CLPB: variants seen among roughly 807,000 people sequenced by gnomAD.
CLPB encodes the protein mitochondrial disaggregase.
In CLPB, 40 loss-of-function variants were observed where a neutral mutation model predicts 78.4. That is an observed-to-expected ratio of 0.51 (90% CI 0.40 to 0.66). The LOEUF (loss-of-function observed/expected upper bound fraction) is 0.66. CLPB is among the 30% of genes least tolerant of loss of function. CLPB has a pLI of 0.00. For synonymous variants in CLPB, 333 were observed against 348.0 expected (o/e 0.96, Z 0.48); for missense variants, 780 against 886.9 (o/e 0.88, Z 1.53).
chr11:72,396,254 G>A (rs184052269), intron 3 of CLPB, among the ~76,000 whole-genome samples: 16 of 152,242 alleles, frequency 1.1e-4, no homozygotes, highest in Admixed American at 3.9e-4. Flanking sequence ...CAGTCCTTCC[G>A]ACACTGATGA....
chr11:72,319,373 G>T (rs1297530400), intron 6 of CLPB, among the ~76,000 whole-genome samples: 1 of 152,246 alleles, frequency 6.6e-6, no homozygotes, highest in Non-Finnish European at 1.5e-5. Context: ...GTTACTAACT[G>T]AATAAATGTG....
At chr11:72,386,435 C>T (rs10751202) in intron 3 of CLPB, among the ~76,000 whole-genome samples, 152,349 of 152,350 alleles carry the variant, frequency 1, 76,174 homozygotes, top group Non-Finnish European at 1. Context: ...CAAACTATGG[C>T]TTGTTTTCTC....
At chr11:72,305,129 A>G (rs1485135204) in intron 9 of CLPB, among the ~76,000 whole-genome samples, 2 of 152,212 alleles carry the variant, frequency 1.3e-5, no homozygotes, top group Non-Finnish European at 2.9e-5. Context: ...CCAATGTGAA[A>G]TGGGGACACA....
intron 9 of CLPB, 51 bp from the exon 10 acceptor site, chr11:72,302,399 GA>G: frequency 6.4e-7 from 1 of 1,557,660 alleles, no homozygotes; most frequent in Non-Finnish European, 8.9e-7. Context: ...GGAAAGTGAA[GA>G]GAAGGGTTAG....
At chr11:72,379,808 T>C (rs542003953) in intron 4 of CLPB, among the ~76,000 whole-genome samples, 41 of 152,252 alleles carry the variant, frequency 2.7e-4, no homozygotes, top group African/African-American at 9.6e-4. Flanking sequence ...TTCAGAGTAA[T>C]AGTATTTAGG....
At chr11:72,347,863 T>C (rs1950544384) in intron 5 of CLPB, among the ~76,000 whole-genome samples, 1 of 152,074 alleles carries the variant, frequency 6.6e-6, no homozygotes, top group African/African-American at 2.4e-5. Context: ...AAGAGGAAGG[T>C]AGAAGAGCCA....
At chr11:72,309,613 G>C (rs564238049) in intron 7 of CLPB, among the ~76,000 whole-genome samples, 2 of 152,298 alleles carry the variant, frequency 1.3e-5, no homozygotes, top group East Asian at 3.9e-4. Context: ...ACTTGCCCAA[G>C]TCACACAACT....
intron 4 of CLPB, 27 bp downstream of exon 4, chr11:72,380,254 C>G: frequency 1.3e-6 from 2 of 1,554,396 alleles, no homozygotes; most frequent in South Asian, 2.2e-5. Flanking sequence ...GGAGAGCTCT[C>G]AGAGAAGCAG....
intron 3 of CLPB, among the ~76,000 whole-genome samples, chr11:72,397,762 T>C (rs956573288): frequency 6.6e-6 from 1 of 152,230 alleles, no homozygotes; most frequent in Non-Finnish European, 1.5e-5. Flanking sequence ...ATAAGATACA[T>C]GTTTTTACAG....
intron 2 of CLPB, chr11:72,411,599 C>G (rs754322128): frequency 2.6e-5 from 4 of 152,128 alleles, no homozygotes; most frequent in African/African-American, 9.7e-5. Flanking sequence ...AGACTTCCAA[C>G]GAAAAGACAA....
At chr11:72,372,823 C>A (rs141751451) in intron 4 of CLPB, 126 of 1,052,822 alleles carry the variant, frequency 1.2e-4, no homozygotes, top group African/African-American at 5.7e-4. Context: ...ACAGTGGGTG[C>A]TGGGTAGTTA....
intron 5 of CLPB, chr11:72,352,801 G>C (rs902511108): frequency 3.3e-5 from 5 of 152,268 alleles, no homozygotes; most frequent in African/African-American, 7.2e-5. Context: ...GAGATGATCA[G>C]TAAGAATCTG....
intron 5 of CLPB, among the ~76,000 whole-genome samples, chr11:72,346,307 A>G (rs1950512335): frequency 6.6e-6 from 1 of 152,122 alleles, no homozygotes; most frequent in Non-Finnish European, 1.5e-5. Flanking sequence ...AAAAAAGTAA[A>G]CAATATAGAA....
intron 4 of CLPB, among the ~76,000 whole-genome samples, chr11:72,368,140 G>A (rs182613091): frequency 1.3e-5 from 2 of 152,200 alleles, no homozygotes; most frequent in African/African-American, 4.8e-5. Flanking sequence ...AGGCTCATTC[G>A]AGGCAGCCCA....
rs994249101 is a variant in CLPB at position 72,288,663 on chromosome 11, C to T, written c.*4704G>A. Reference sequence around the variant, plus strand: ...GCACTTGCTGCAGGTCCCATCCACTCACCCAAGTATAATAATAAAGGAACA... The same window carrying T: ...GCACTTGCTGCAGGTCCCATCCACTTACCCAAGTATAATAATAAAGGAACA... On this transcript the variant is annotated 3_prime_UTR_variant, in exon 16 of 16. Transcript: ENST00000538039. The T allele has an allele frequency of 7.2e-5, 11 of 152,268 alleles. No individual in the cohort carries two copies. The highest frequency in any genetic ancestry group is 1.5e-4 in the Non-Finnish European group (10 of 68,078). The allele number at this position is 152,268 out of a possible 1,614,324, so 9.4% of individuals were successfully genotyped here. A position where few individuals can be genotyped will look rare whatever the true frequency, so the allele number is the denominator to read the frequency against.
intron 10 of CLPB, 51 bp downstream of exon 10, chr11:72,302,253 T>C (rs780730215): frequency 1.3e-6 from 2 of 1,582,040 alleles, no homozygotes; most frequent in African/African-American, 1.3e-5. Flanking sequence ...CCGGCAGTCA[T>C]GCTGACAAGC....
At chr11:72,302,683 T>C in intron 9 of CLPB, 1 of 326,544 alleles carries the variant, frequency 3.1e-6, no homozygotes, top group South Asian at 3.0e-5. Context: ...CCTGAGGGCA[T>C]CCTGTGTGTG....
At chr11:72,393,592 T>C (rs888349389) in intron 3 of CLPB, among the ~76,000 whole-genome samples, 14 of 152,140 alleles carry the variant, frequency 9.2e-5, no homozygotes, top group African/African-American at 2.9e-4. Flanking sequence ...TATACATAAG[T>C]AGACTGGATG....
intron 11 of CLPB, among the ~76,000 whole-genome samples, chr11:72,298,608 CCACCT>C (rs1232241171): frequency 2.6e-5 from 4 of 152,228 alleles, no homozygotes; most frequent in Non-Finnish European, 5.9e-5. Flanking sequence ...AGCCATCCTC[CCACCT>C]CAGCCTCCTG....
Sources: gnomAD v4.1 joint callset for allele counts (sites outside exome capture counted in the v4.1 genomes callset) on GRCh38, gnomAD v4.1.1 for gene constraint, MANE v1.5 for transcripts, NCBI Gene and HGNC (gene_info 2026-07-23, HGNC 2026-07-21) for gene names.